Variants in MYH7B observed in about 807,000 individuals in gnomAD.
MYH7B encodes the protein myosin heavy chain 7B.
In MYH7B, 205 loss-of-function variants were observed where a neutral mutation model predicts 234.5. That is an observed-to-expected ratio of 0.87 (90% CI 0.78 to 0.98). MYH7B has a LOEUF of 0.98. MYH7B is among the 50% of genes least tolerant of loss of function. MYH7B has a pLI of 0.00. For missense variants in MYH7B, 2,652 were observed against 2,633.4 expected (o/e 1.01, Z -0.15); for synonymous variants, 1,193 against 1,105.0 (o/e 1.08, Z -1.58).
chr20:34,976,939 A>G (rs1407782473), intron 3 of MYH7B, among the ~76,000 whole-genome samples: 1 of 152,166 alleles, frequency 6.6e-6, no homozygotes, highest in Non-Finnish European at 1.5e-5. Context: ...TACAGAGTGG[A>G]GGCACCAGAG....
At chr20:34,999,275 G>T in exon 36 of MYH7B, 1 of 1,596,242 alleles carries the variant, frequency 6.3e-7, no homozygotes, top group Admixed American at 1.8e-5. Context: ...AGGAGGAGAT[G>T]CAGCGGGAGC....
At chr20:34,999,193 C>A (rs1425412954) in exon 36 of MYH7B, 1 of 1,612,940 alleles carries the variant, frequency 6.2e-7, no homozygotes, top group South Asian at 1.1e-5. Flanking sequence ...GAGCGGGCGA[C>A]CTCAGCAGCT....
At chr20:34,961,661 C>T (rs2081698827) in intron 2 of MYH7B, among the ~76,000 whole-genome samples, 1 of 152,332 alleles carries the variant, frequency 6.6e-6, no homozygotes, top group East Asian at 1.9e-4. Flanking sequence ...TTCTCCTTCT[C>T]CCCAGCCCCT....
At chr20:34,978,535 T>G (rs2081892551) in intron 5 of MYH7B, among the ~76,000 whole-genome samples, 1 of 152,174 alleles carries the variant, frequency 6.6e-6, no homozygotes, top group Non-Finnish European at 1.5e-5. Flanking sequence ...TGACCTGGTT[T>G]GCTCATAGGA....
Position 34,988,236 on chromosome 20 carries a change from C to T in MYH7B, c.1561C>T (p.Gln521Ter), listed in dbSNP as rs201248093. 78 of 1,613,900 alleles carry T rather than the reference C, an allele frequency of 4.8e-5. No homozygotes were observed. The highest frequency in any genetic ancestry group is 6.3e-5 in the Non-Finnish European group (74 of 1,179,922). ...CTTCATCGACTTCGGCCTTGACCTG[C>T]AGCCTTGCATCGACCTCATCGAGAA... Residue 521 changes from glutamine to a stop codon, truncating the protein, a stop_gained, in exon 19 of 45, where the codon CAG (glutamine) becomes TAG (stop). Transcript: ENST00000262873. LOFTEE classifies it high-confidence loss of function.
chr20:34,995,573 AAC>A lies in MYH7B; in HGVS notation c.2940_2941del (p.Asn980LysfsTer36). The A allele has an allele frequency of 6.2e-7, 1 of 1,613,998 alleles. No individual in the cohort carries two copies. Among genetic ancestry groups the A allele is most frequent in the Non-Finnish European group, 8.5e-7 (1 of 1,180,024 alleles). On this transcript the variant is annotated frameshift_variant, in exon 28 of 45. Coordinates refer to ENST00000262873, the Ensembl canonical transcript of MYH7B. LOFTEE classifies it high-confidence loss of function. ...TGAGAAGGAGAAGCAAGCCACTGAG[AAC>A]AAGGTGTGGGCCGGGCCAGCTGTGG...
intron 9 of MYH7B, 61 bp downstream of exon 9, chr20:34,981,121 G>C: frequency 1.9e-6 from 3 of 1,594,106 alleles, no homozygotes; most frequent in Admixed American, 1.7e-5. Flanking sequence ...AAAGAGGGCG[G>C]TACCACAGTC....
Position 35,001,424 on chromosome 20 carries a change from C to T in MYH7B, c.5581-7C>T, listed in dbSNP as rs781227326. ...AAGCAAGCCCTGAGTCCCCCTTGCC[C>T]GCCCAGGCCGAGGAGGACAGGAAGA... On this transcript the variant is annotated splice_polypyrimidine_tract_variant and splice_region_variant and intron_variant, in intron 42 of 44. Coordinates refer to ENST00000262873, the Ensembl canonical transcript of MYH7B. 42 of 1,595,852 alleles carry T rather than the reference C, an allele frequency of 2.6e-5. No individual in the cohort carries two copies. Among genetic ancestry groups the T allele is most frequent in the Middle Eastern group, 3.3e-4 (2 of 6,038 alleles).
Position 34,996,882 on chromosome 20 carries a change from CT to C in MYH7B, c.3266+125del. ...AGGGTGGGGGTTGACAGATGGGGCA[CT>C]GGGGTGCAGGGGTAGTGTCTTGCCC... On this transcript the variant is annotated intron_variant, in intron 30 of 44. Coordinates refer to ENST00000262873, the Ensembl canonical transcript of MYH7B. The C allele has an allele frequency of 4.3e-6, 6 of 1,406,552 alleles. No homozygotes were observed. In the South Asian group the frequency reaches 8.4e-5, roughly 20 times the overall value. The allele number at this position is 1,406,552 out of a possible 1,614,324, so 87.1% of individuals were successfully genotyped here. A position where few individuals can be genotyped will look rare whatever the true frequency, so the allele number is the denominator to read the frequency against.
In MYH7B at chr20:34,987,142, C is replaced by T. The variant is rs764678849; in HGVS notation, c.1009-7C>T. 1.9e-6 allele frequency: 3 copies of T among 1,613,162 alleles called. No homozygotes were observed. Among genetic ancestry groups the T allele is most frequent in the Admixed American group, 1.7e-5 (1 of 59,994 alleles). On this transcript the variant is annotated splice_region_variant and splice_polypyrimidine_tract_variant and intron_variant, in intron 15 of 44. Transcript: ENST00000262873. ...TCTCTGAACTCGCTTTCCCTGCTGC[C>T]CCCCAGCATGCCATGGACATCCTAG...
At chr20:34,983,288 C>CTTT (rs1360056840) in intron 10 of MYH7B, among the ~76,000 whole-genome samples, 1 of 64,098 alleles carries the variant, frequency 1.6e-5, no homozygotes, top group Non-Finnish European at 2.9e-5. Flanking sequence ...TCTTTCTTTT[C>CTTT]TTTTCTTTTC....
Position 34,989,926 on chromosome 20 carries a change from GCTTGCTGGAACCCCAGCC to G in MYH7B, c.1767+10_1767+27del, listed in dbSNP as rs1452413101. The stretch of plus-strand genomic sequence containing the variant: ...GGTCCACTACGCAGGCGTGGTAGGT[GCTTGCTGGAACCCCAGCC>G]CTCGGCCAGGCTCCTCCCGCCCTGC... On this transcript the variant is annotated splice_region_variant and intron_variant, in intron 20 of 44. Coordinates refer to ENST00000262873, the Ensembl canonical transcript of MYH7B. 1.9e-6 allele frequency: 3 copies of G among 1,613,498 alleles called. No individual in the cohort carries two copies. The East Asian group carries it at 6.7e-5, about 36-fold the overall frequency.
intron 5 of MYH7B, among the ~76,000 whole-genome samples, 183 bp from the exon 6 acceptor site, chr20:34,979,207 A>T (rs2081902304): frequency 6.6e-6 from 1 of 151,738 alleles, no homozygotes; most frequent in African/African-American, 2.4e-5. Context: ...ATCTCTAGGG[A>T]CCCTCCCAGC....
chr20:35,001,527 G>A lies in MYH7B; in HGVS notation c.5676+1G>A. The A allele has an allele frequency of 6.2e-7, 1 of 1,603,214 alleles. No homozygotes were observed. The highest frequency in any genetic ancestry group is 1.1e-5 in the South Asian group (1 of 89,578). On this transcript the variant is annotated splice_donor_variant, in intron 43 of 44. Coordinates refer to ENST00000262873, the Ensembl canonical transcript of MYH7B. LOFTEE classifies it high-confidence loss of function. ...CTACAAGCGCCAGTTTGAGGAGGCG[G>A]TGAGTGCGCTGGGGCCTGGACACCT...
chr20:34,992,852 G>A (rs558713286), intron 24 of MYH7B, among the ~76,000 whole-genome samples: 1 of 152,290 alleles, frequency 6.6e-6, no homozygotes, highest in East Asian at 1.9e-4. Context: ...TTATGGGCGT[G>A]AGCCACCGCA....
At chr20:34,996,979 G>GC (rs397812598) in intron 30 of MYH7B, 104 bp from the exon 31 acceptor site, 5 of 1,352,806 alleles carry the variant, frequency 3.7e-6, no homozygotes, top group Non-Finnish European at 5.1e-6. Flanking sequence ...GGTGCATGGG[G>GC]TGAGGTCCCT....
At chr20:34,980,892 C>G in intron 8 of MYH7B, 141 bp from the exon 9 acceptor site, 1 of 1,476,384 alleles carries the variant, frequency 6.8e-7, no homozygotes, top group East Asian at 2.3e-5. Flanking sequence ...GAGCTGACCT[C>G]CACTAGGGAC....
In MYH7B at chr20:34,987,644, A is replaced by G. The variant is rs932106744; in HGVS notation, c.1235A>G (p.Glu412Gly). The change falls in exon 17 of 45, where the codon GAG becomes GGG. Residue 412 changes from glutamate (E) to glycine (G), a missense_variant. Glu to Gly is a moderately conservative substitution (Grantham distance 98). Around this residue, in one of 3 missense-constraint regions of MYH7B, gnomAD observed 2,279 missense variants for 2,211.4 expected, o/e 1.03. Coordinates refer to ENST00000262873, the Ensembl canonical transcript of MYH7B. ...CACCCCCGGGTGCGTGTAGGGAACGAGTACGTGACCAAGGGCCAGAGTGTG... is the reference window on the plus strand; with the variant it reads ...CACCCCCGGGTGCGTGTAGGGAACGGGTACGTGACCAAGGGCCAGAGTGTG... The G allele has an allele frequency of 1.9e-6, 3 of 1,613,980 alleles. No individual in the cohort carries two copies. The highest frequency in any genetic ancestry group is 2.5e-6 in the Non-Finnish European group (3 of 1,179,870).
intron 38 of MYH7B, 30 bp downstream of exon 38, chr20:34,999,936 C>A (rs769303253): frequency 3.8e-6 from 6 of 1,587,652 alleles, no homozygotes; most frequent in Non-Finnish European, 5.2e-6. Flanking sequence ...GTCCCCACCT[C>A]CCGAGAGCAG....
Sources: allele counts gnomAD v4.1 joint callset (sites outside exome capture counted in the v4.1 genomes callset), GRCh38; gene constraint gnomAD v4.1.1; regional missense constraint gnomAD v4.1.1; transcripts MANE v1.5; gene names NCBI Gene and HGNC (gene_info 2026-07-23, HGNC 2026-07-21).